Variants in ADCY2 observed in about 807,000 individuals in gnomAD.
The protein encoded by ADCY2 is adenylate cyclase type 2.
A neutral mutation model predicts 125.2 loss-of-function variants in ADCY2; 31 were observed. The ratio of observed to expected loss-of-function variants is 0.25; its 90% CI spans 0.19 to 0.33. The LOEUF is 0.33. ADCY2 is among the 10% of genes least tolerant of loss of function. The pLI, the probability that ADCY2 is intolerant of heterozygous loss-of-function variation, is 1.00. For missense variants in ADCY2, 904 were observed against 1,418.2 expected (o/e 0.64, Z 5.82); for synonymous variants, 512 against 548.4 (o/e 0.93, Z 0.93).
intron 13 of ADCY2, 76 bp downstream of exon 13, chr5:7,724,690 T>C (rs1361718425): frequency 9.0e-7 from 1 of 1,115,296 alleles, no homozygotes; most frequent in East Asian, 2.4e-5. Flanking sequence ...TGTGCTCATG[T>C]TTTTTATATG....
chr5:7,706,638 C>G lies in ADCY2; in HGVS notation c.1110-106C>G, dbSNP rs574535301. 1,571 of 1,353,982 alleles carry G rather than the reference C, an allele frequency of 1.2e-3. 1 individual carries two copies. The highest frequency in any genetic ancestry group is 1.5e-3 in the Non-Finnish European group (1,467 of 966,426). 83.9% of individuals were successfully genotyped at this position (1,353,982 alleles called of 1,614,324 possible). On this transcript the variant is annotated intron_variant, in intron 7 of 24. Coordinates refer to ENST00000338316, the MANE Select transcript of ADCY2 (RefSeq NM_020546.3). ...CCATAGGAAGGTTTATGGTCATTTC[C>G]GACAGTTTGAAAAATTCTGAATAAT...
At chr5:7,764,017 G>T (rs1263132294) in intron 16 of ADCY2, among the ~76,000 whole-genome samples, 1 of 152,184 alleles carries the variant, frequency 6.6e-6, no homozygotes, top group African/African-American at 2.4e-5. Flanking sequence ...CCTTACAAAA[G>T]CCAGGGTCAA....
chr5:7,487,657 G>T (rs1211951943), intron 2 of ADCY2, among the ~76,000 whole-genome samples: 1 of 152,082 alleles, frequency 6.6e-6, no homozygotes, highest in Admixed American at 6.6e-5. Context: ...CAAAGCACTT[G>T]GTTCCCCATG....
At chr5:7,663,239 A>G (rs1443648681) in intron 4 of ADCY2, among the ~76,000 whole-genome samples, 4 of 152,272 alleles carry the variant, frequency 2.6e-5, no homozygotes, top group Non-Finnish European at 5.9e-5. Flanking sequence ...ACCAAAAAAA[A>G]GGAAGAAAGA....
chr5:7,533,976 G>A (rs1032716), intron 3 of ADCY2, among the ~76,000 whole-genome samples: 30,515 of 152,084 alleles, frequency 0.2, 3,418 homozygotes, highest in South Asian at 0.34. Context: ...CTGACTGTGG[G>A]ATCTTCATGC....
In ADCY2 at chr5:7,566,867, G is replaced by A. The variant is rs185154282; in HGVS notation, c.570+45968G>A. Among the ~76,000 whole-genome samples the A allele has an allele frequency of 7.2e-5, 11 of 152,232 alleles. No individual in the cohort carries two copies. In the East Asian group the frequency reaches 1.4e-3, roughly 19 times the overall value. On this transcript the variant is annotated intron_variant, in intron 3 of 24. Coordinates refer to ENST00000338316, the MANE Select transcript of ADCY2 (RefSeq NM_020546.3). ...TCCAAATATCATAGTGTTTTGGCCT[G>A]GGGGGGAGGTATTAAAATGGCTAAG...
At chr5:7,674,183 G>A (rs1740038948) in intron 4 of ADCY2, among the ~76,000 whole-genome samples, 1 of 152,166 alleles carries the variant, frequency 6.6e-6, no homozygotes, top group Admixed American at 6.5e-5. Context: ...TGGTCGTGGT[G>A]AGGTTGTTTT....
intron 4 of ADCY2, among the ~76,000 whole-genome samples, chr5:7,665,876 T>C (rs1210113250): frequency 7.4e-6 from 1 of 135,008 alleles, no homozygotes; most frequent in African/African-American, 2.8e-5. Context: ...TCTCGCTCTG[T>C]AGCCCAGGCT....
At chr5:7,482,822 A>G (rs1022992821) in intron 2 of ADCY2, among the ~76,000 whole-genome samples, 1 of 150,178 alleles carries the variant, frequency 6.7e-6, no homozygotes, top group African/African-American at 2.4e-5. Flanking sequence ...ACATATATGT[A>G]TAATGAAATG....
In ADCY2 at chr5:7,458,536, T is replaced by C. The variant is rs141737433; in HGVS notation, c.408+43766T>C. 5.9e-5 allele frequency among the ~76,000 whole-genome samples: 9 copies of C among 152,254 alleles called. No homozygotes were observed. In the East Asian group the frequency reaches 1.7e-3, roughly 29 times the overall value. ...AAATAAAACATGTATTCTGTGATAT[T>C]GTCAGTCTGCTCTGAACTTCAGCTT... On this transcript the variant is annotated intron_variant, in intron 2 of 24. Transcript: ENST00000338316.
intron 3 of ADCY2, among the ~76,000 whole-genome samples, chr5:7,549,442 G>A (rs1735254537): frequency 6.6e-6 from 1 of 152,162 alleles, no homozygotes; most frequent in Non-Finnish European, 1.5e-5. Flanking sequence ...TATGTCAGCT[G>A]GGCAGGAAAA....
intron 3 of ADCY2, among the ~76,000 whole-genome samples, chr5:7,541,742 G>C (rs1735001598): frequency 6.6e-6 from 1 of 152,206 alleles, no homozygotes; most frequent in Non-Finnish European, 1.5e-5. Context: ...CACAAGTCTG[G>C]AAGAGATACT....
intron 5 of ADCY2, among the ~76,000 whole-genome samples, chr5:7,692,932 A>G (rs1316647261): frequency 2.0e-5 from 3 of 152,062 alleles, no homozygotes; most frequent in Non-Finnish European, 4.4e-5. Context: ...ATAGCTTTCC[A>G]TACTCATCTA....
At chr5:7,812,068 C>A (rs1206398566) in intron 22 of ADCY2, among the ~76,000 whole-genome samples, 1 of 152,152 alleles carries the variant, frequency 6.6e-6, no homozygotes, top group Non-Finnish European at 1.5e-5. Context: ...TTAGAGGGAT[C>A]CTGCCAAATG....
At chr5:7,594,415 T>C (rs1181573996) in intron 3 of ADCY2, among the ~76,000 whole-genome samples, 4 of 152,182 alleles carry the variant, frequency 2.6e-5, no homozygotes, top group Non-Finnish European at 5.9e-5. Flanking sequence ...CAGGTCAACC[T>C]TTGAAAGTAA....
chr5:7,420,220 T>C (rs1451196698), intron 2 of ADCY2, among the ~76,000 whole-genome samples: 1 of 152,178 alleles, frequency 6.6e-6, no homozygotes, highest in Non-Finnish European at 1.5e-5. Flanking sequence ...GTTCCGAGCC[T>C]GAGAAGCCGC....
rs145337829 is a variant in ADCY2 at position 7,802,292 on chromosome 5, A to G, written c.2703A>G (p.Thr901=). The G allele has an allele frequency of 3.7e-6, 6 of 1,614,086 alleles. No homozygotes were observed. The highest frequency in any genetic ancestry group is 2.5e-6 in the Non-Finnish European group (3 of 1,180,034). ...ASIPDFKEFY[T]ESDVNKEGLE... ...TTCCGGATTTCAAAGAATTTTATAC[A>G]GAATCCGACGTGAACAAGGAGGGCT... The change falls in exon 21 of 25, where the codon ACA becomes ACG. Residue 901 remains threonine, a synonymous_variant. Coordinates refer to ENST00000338316, the MANE Select transcript of ADCY2 (RefSeq NM_020546.3). The surrounding 1 kb of genome is among the most constrained non-coding windows in gnomAD (Gnocchi z 4.6).
At chr5:7,579,669 C>T (rs1281817721) in intron 3 of ADCY2, among the ~76,000 whole-genome samples, 1 of 152,074 alleles carries the variant, frequency 6.6e-6, no homozygotes, top group Admixed American at 6.6e-5. Flanking sequence ...AATGTAAGGT[C>T]TCTATAACAT....
chr5:7,628,945 C>T (rs1002486041), intron 4 of ADCY2, among the ~76,000 whole-genome samples: 1 of 152,126 alleles, frequency 6.6e-6, no homozygotes, highest in Admixed American at 6.5e-5. Context: ...CACTGAGGCC[C>T]AGTAGGGCCA....
Sources: allele counts gnomAD v4.1 joint callset (sites outside exome capture counted in the v4.1 genomes callset), GRCh38; gene constraint gnomAD v4.1.1; non-coding constraint Gnocchi (gnomAD v3.1); transcripts MANE v1.5; gene names NCBI Gene and HGNC (gene_info 2026-07-23, HGNC 2026-07-21).